Variants in ULK2 observed in about 807,000 individuals in gnomAD.
ULK2 encodes the protein unc-51 like autophagy activating kinase 2.
A neutral mutation model predicts 127.5 loss-of-function variants in ULK2; 76 were observed. That is an observed-to-expected ratio of 0.60 (90% confidence interval 0.50 to 0.72). The LOEUF (loss-of-function observed/expected upper bound fraction) is 0.72. ULK2 is among the 30% of genes least tolerant of loss of function. The probability of loss-of-function intolerance (pLI) is 0.00; values close to 1 mark genes in which losing one functional copy is unlikely to be tolerated. For synonymous variants in ULK2, 452 were observed against 461.9 expected (o/e 0.98, Z 0.28); for missense variants, 1,144 against 1,295.9 (o/e 0.88, Z 1.80).
intron 3 of ULK2, among the ~76,000 whole-genome samples, chr17:19,852,085 C>T (rs2042029280): frequency 6.7e-6 from 1 of 149,136 alleles, no homozygotes; most frequent in African/African-American, 2.5e-5. Context: ...ATTAGCTGGG[C>T]AGTGTGGCAC....
At chr17:19,819,369 CCTT>C (rs1850132834) in intron 12 of ULK2, among the ~76,000 whole-genome samples, 1 of 152,150 alleles carries the variant, frequency 6.6e-6, no homozygotes, top group Non-Finnish European at 1.5e-5. Context: ...CTTGGGGACT[CCTT>C]CTGAGTCTCT....
In ULK2 at chr17:19,787,003, C is replaced by CTT. The variant is rs71157832; in HGVS notation, c.2102-919_2102-918dup. Among the ~76,000 whole-genome samples the CTT allele has an allele frequency of 1.6e-3, 229 of 145,500 alleles. 1 individual carries two copies. The highest frequency in any genetic ancestry group is 3.5e-3 in the Middle Eastern group (1 of 282). ...TAGAAATGTAATGTTCATTTATTTA[C>CTT]TTTTTTTTTTTTTGGAGACGGAATC... On this transcript the variant is annotated intron_variant, in intron 20 of 26. Transcript: ENST00000395544.
At chr17:19,835,312 C>A (rs2041565618) in intron 10 of ULK2, among the ~76,000 whole-genome samples, 1 of 151,090 alleles carries the variant, frequency 6.6e-6, no homozygotes, top group Non-Finnish European at 1.5e-5. Flanking sequence ...GGTCTCCTGA[C>A]CTCGTGATCT....
At chr17:19,798,934 G>C (rs761230155) in intron 17 of ULK2, among the ~76,000 whole-genome samples, 1 of 151,716 alleles carries the variant, frequency 6.6e-6, no homozygotes, top group Non-Finnish European at 1.5e-5. Context: ...AGGCCGAGGC[G>C]GGTGTATCAC....
intron 8 of ULK2, 124 bp from the exon 9 acceptor site, chr17:19,841,671 G>A: frequency 1.5e-6 from 1 of 654,150 alleles, no homozygotes; most frequent in Non-Finnish European, 2.5e-6. Flanking sequence ...GGAAGGGACT[G>A]CTGACAGGAA....
chr17:19,828,913 A>G (rs561635995), intron 10 of ULK2, among the ~76,000 whole-genome samples: 2 of 152,304 alleles, frequency 1.3e-5, no homozygotes, highest in Non-Finnish European at 2.9e-5. Flanking sequence ...ACATGGTGAA[A>G]CCAAAAATAC....
intron 3 of ULK2, among the ~76,000 whole-genome samples, chr17:19,863,535 G>A (rs957052992): frequency 9.3e-5 from 13 of 140,012 alleles, no homozygotes; most frequent in South Asian, 2.3e-4. Context: ...ATCTTGCTCT[G>A]TTGTCCAGGC....
chr17:19,864,707 A>G (rs2042316309), intron 3 of ULK2, 96 bp downstream of exon 3: 4 of 443,900 alleles, frequency 9.0e-6, no homozygotes, highest in Non-Finnish European at 1.5e-5. Flanking sequence ...TTCAACAAGA[A>G]TTAAGGTCAT....
chr17:19,839,123 T>C (rs551876401), intron 9 of ULK2, among the ~76,000 whole-genome samples: 1 of 152,218 alleles, frequency 6.6e-6, no homozygotes, highest in East Asian at 1.9e-4. Flanking sequence ...GCTGTTGTTT[T>C]GAGTATCTGC....
At chr17:19,826,270 A>G in intron 10 of ULK2, 84 bp from the exon 11 acceptor site, 1 of 795,660 alleles carries the variant, frequency 1.3e-6, no homozygotes, top group East Asian at 3.1e-5. Flanking sequence ...CGTATTCAAT[A>G]TAATGTCTTT....
At chr17:19,838,476 T>G in intron 10 of ULK2, 25 bp downstream of exon 10, 1 of 1,577,498 alleles carries the variant, frequency 6.3e-7, no homozygotes, top group Non-Finnish European at 8.6e-7. Flanking sequence ...TTAGAAAACA[T>G]GCAAAAGTTA....
At chr17:19,838,368 G>A (rs1378379228) in intron 10 of ULK2, 133 bp downstream of exon 10, 30 of 749,970 alleles carry the variant, frequency 4.0e-5, no homozygotes, top group South Asian at 1.1e-4. Flanking sequence ...AAATATTTAC[G>A]AAACCAGTGA....
chr17:19,810,746 T>A (rs2087620805), intron 13 of ULK2, among the ~76,000 whole-genome samples: 1 of 152,244 alleles, frequency 6.6e-6, no homozygotes, highest in South Asian at 2.1e-4. Context: ...GTGCTGTTTT[T>A]ATCAGGTTCC....
chr17:19,829,551 G>GGGGA (rs1567708399), intron 10 of ULK2, among the ~76,000 whole-genome samples: 1 of 141,690 alleles, frequency 7.1e-6, no homozygotes, highest in Non-Finnish European at 1.6e-5. Flanking sequence ...AAAAAAAAGG[G>GGGGA]GGGGGGCTGG....
chr17:19,797,279 A>G, intron 18 of ULK2, 117 bp downstream of exon 18: 1 of 1,210,414 alleles, frequency 8.3e-7, no homozygotes, highest in Non-Finnish European at 1.1e-6. Flanking sequence ...CCTGGGCGAC[A>G]AAGCAAGACT....
At chr17:19,867,277 T>A (rs2152404729) in intron 1 of ULK2, 51 bp downstream of exon 1, 1 of 1,440,270 alleles carries the variant, frequency 6.9e-7, no homozygotes, top group South Asian at 1.3e-5. Context: ...CAGAACCACC[T>A]AGCCCCGTGC....
At chr17:19,784,726 A>G (rs963408920) in intron 21 of ULK2, among the ~76,000 whole-genome samples, 2 of 151,734 alleles carry the variant, frequency 1.3e-5, no homozygotes, top group African/African-American at 4.8e-5. Flanking sequence ...GGGTTTCACC[A>G]TGTTGCCCAG....
chr17:19,849,577 A>G (rs2041968186), intron 4 of ULK2, among the ~76,000 whole-genome samples, 165 bp downstream of exon 4: 1 of 152,122 alleles, frequency 6.6e-6, no homozygotes, highest in Non-Finnish European at 1.5e-5. Context: ...TAGAATCTAG[A>G]TCACTGAATC....
intron 10 of ULK2, among the ~76,000 whole-genome samples, chr17:19,835,136 T>C (rs1012696818): frequency 6.7e-6 from 1 of 149,470 alleles, no homozygotes; most frequent in African/African-American, 2.5e-5. Flanking sequence ...ATTCAACTGG[T>C]TTTTTGGTTT....
Sources: gnomAD v4.1 joint callset for allele counts (sites outside exome capture counted in the v4.1 genomes callset) on GRCh38, gnomAD v4.1.1 for gene constraint, MANE v1.5 for transcripts, NCBI Gene and HGNC (gene_info 2026-07-23, HGNC 2026-07-21) for gene names.